PKHD1: variants seen among roughly 807,000 people sequenced by gnomAD.
PKHD1 encodes fibrocystin.
Under a neutral mutation model 412.0 loss-of-function variants are expected in PKHD1, and 291 were observed. The observed-to-expected ratio is 0.71, with a 90% confidence interval of 0.64 to 0.78. The LOEUF (loss-of-function observed/expected upper bound fraction) is 0.78, where lower values mean the gene tolerates loss of function less well. Among genes scored for constraint, PKHD1 ranks in the 30% least tolerant of loss-of-function variants. PKHD1 has a pLI of 0.00. For synonymous variants in PKHD1, 1,777 were observed against 1,821.5 expected, an observed-to-expected ratio of 0.98 and a Z score of 0.62; for missense variants, 4,825 against 4,950.7, an observed-to-expected ratio of 0.97 and a Z score of 0.76.
chr6:51,874,922 G>T lies in PKHD1; in HGVS notation c.7351-4283C>A, dbSNP rs571043689. The stretch of plus-strand genomic sequence containing the variant: ...TGTGTGTGCGCACCGTGCGCGAGCC[G>T]AAGCAGGGCGAGGCATTGCCTCACC... On this transcript the variant is annotated intron_variant, in intron 46 of 66. Coordinates refer to ENST00000371117, the MANE Select transcript of PKHD1 (RefSeq NM_138694.4). Among the ~76,000 whole-genome samples the T allele has an allele frequency of 3.4e-4, 28 of 82,396 alleles. 5 individuals are homozygous for T. Among genetic ancestry groups the T allele is most frequent in the African/African-American group, 5.6e-4 (11 of 19,528 alleles). 54.1% of individuals were successfully genotyped at this position (82,396 alleles called of 152,430 possible). A position where few individuals can be genotyped will look rare whatever the true frequency, so the allele number is the denominator to read the frequency against.
intron 52 of PKHD1, among the ~76,000 whole-genome samples, chr6:51,823,300 T>C (rs1582888705): frequency 6.6e-6 from 1 of 152,090 alleles, no homozygotes; most frequent in South Asian, 2.1e-4. Context: ...GAGTCTCTTA[T>C]ATACTTCATG....
At chr6:51,902,445 G>T (rs765091872) in intron 43 of PKHD1, among the ~76,000 whole-genome samples, 10 of 152,058 alleles carry the variant, frequency 6.6e-5, no homozygotes, top group African/African-American at 1.2e-4. Context: ...TGGCATATTA[G>T]CCACTCCCAT....
At chr6:51,952,614 C>A (rs1267823740) in intron 36 of PKHD1, among the ~76,000 whole-genome samples, 1 of 151,946 alleles carries the variant, frequency 6.6e-6, no homozygotes, top group Non-Finnish European at 1.5e-5. Flanking sequence ...AGTTTTTAAC[C>A]AATTAAAAAT....
intron 35 of PKHD1, among the ~76,000 whole-genome samples, chr6:51,967,188 A>G (rs1792938654): frequency 6.6e-6 from 1 of 152,180 alleles, no homozygotes; most frequent in African/African-American, 2.4e-5. Context: ...TAACGAGGTC[A>G]GCAAACTACA....
At chr6:51,808,498 TAA>T (rs1764187783) in intron 52 of PKHD1, among the ~76,000 whole-genome samples, 1 of 114,110 alleles carries the variant, frequency 8.8e-6, no homozygotes, top group Non-Finnish European at 1.9e-5. Flanking sequence ...AAATGCAAAT[TAA>T]AAAAGAATCT....
intron 48 of PKHD1, among the ~76,000 whole-genome samples, chr6:51,857,014 G>A (rs914574590): frequency 2.0e-5 from 3 of 152,234 alleles, no homozygotes; most frequent in Admixed American, 2.0e-4. Context: ...TGAGGAGACT[G>A]AGGCAGGGTA....
rs1297884299 is a variant in PKHD1, at chr6:52,046,142, C to G, written c.2454G>C (p.Gln818His). 3 of 1,613,756 alleles carry G rather than the reference C, an allele frequency of 1.9e-6. No homozygotes were observed. In the South Asian group the frequency reaches 3.3e-5, roughly 18 times the overall value. The change falls in exon 24 of 67, where the codon CAG (glutamine) becomes CAC (histidine). Residue 818 changes from glutamine to histidine, a missense_variant. Physicochemically the swap from Gln to His is conservative, Grantham distance 24. Coordinates refer to ENST00000371117, the MANE Select transcript of PKHD1 (RefSeq NM_138694.4). ...TGGATGTGAAGTCATCGGCATTATT[C>G]TGTAAGAGCTGGTGAAGGTGATGAG... The part of the protein sequence containing the change: ...ISAHHLHQLL[Q>H]NNADDFTSRY...
At chr6:51,804,394 C>T (rs548328615) in intron 52 of PKHD1, among the ~76,000 whole-genome samples, 1 of 119,296 alleles carries the variant, frequency 8.4e-6, no homozygotes, top group East Asian at 2.7e-4. Flanking sequence ...AGAAATTAAG[C>T]GAAATGCCAC....
At chr6:51,805,854 T>C (rs1032111969) in intron 52 of PKHD1, among the ~76,000 whole-genome samples, 5 of 152,180 alleles carry the variant, frequency 3.3e-5, no homozygotes, top group Admixed American at 3.3e-4. Context: ...TTCCATGGTG[T>C]ATATGTGCCA....
chr6:52,060,608 T>G (rs944540454), intron 14 of PKHD1, among the ~76,000 whole-genome samples: 2 of 152,152 alleles, frequency 1.3e-5, no homozygotes, highest in Non-Finnish European at 2.9e-5. Flanking sequence ...AAAGATAATA[T>G]TTTTAATATT....
chr6:51,912,628 C>T (rs762574218), intron 37 of PKHD1, 52 bp from the exon 38 acceptor site: 69 of 1,172,522 alleles, frequency 5.9e-5, no homozygotes, highest in South Asian at 2.8e-4. Context: ...TTAATCAAAA[C>T]GTGATTAATT....
chr6:51,797,935 A>C (rs998090535), intron 52 of PKHD1, among the ~76,000 whole-genome samples: 1 of 152,128 alleles, frequency 6.6e-6, no homozygotes, highest in Non-Finnish European at 1.5e-5. Context: ...TTTTGTAGTG[A>C]CTGGTAACAG....
chr6:51,905,601 G>T (rs1031767026), intron 41 of PKHD1, among the ~76,000 whole-genome samples: 7 of 152,148 alleles, frequency 4.6e-5, no homozygotes, highest in African/African-American at 1.7e-4. Flanking sequence ...CAAGTTTACA[G>T]AAGTTAACAG....
chr6:51,905,644 G>A (rs987628190), intron 41 of PKHD1, among the ~76,000 whole-genome samples: 6 of 152,148 alleles, frequency 3.9e-5, no homozygotes, highest in African/African-American at 1.2e-4. Context: ...TTTTAAGTCT[G>A]GTGAAAAGTT....
rs1481023166 is a variant in PKHD1 at position 51,870,535 on chromosome 6, A to G, written c.7455T>C (p.Ile2485=). The G allele has an allele frequency of 6.2e-7, 1 of 1,612,372 alleles. No homozygotes were observed. The highest frequency in any genetic ancestry group is 1.1e-5 in the South Asian group (1 of 91,026). ...VNFDLINCVA[I]RTCSDCSQGQ... ...CTTGGGAACAGTCTGAACAGGTTCT[A>G]ATGGCCACACAGTTGATGAGATCAA... The change falls in exon 47 of 67, where the codon ATT becomes ATC. Residue 2485 remains isoleucine, a synonymous_variant. Coordinates refer to ENST00000371117, the MANE Select transcript of PKHD1 (RefSeq NM_138694.4).
At chr6:51,964,731 T>A (rs904960529) in intron 35 of PKHD1, among the ~76,000 whole-genome samples, 3 of 152,138 alleles carry the variant, frequency 2.0e-5, no homozygotes, top group Admixed American at 2.0e-4. Flanking sequence ...ATAATTTAAT[T>A]TTGTTCAGTT....
rs1057516626 is a variant in PKHD1, at chr6:52,024,986, AAT to A, written c.4822_4823del (p.Ile1608Ter). On this transcript the variant is annotated frameshift_variant, in exon 32 of 67. Transcript: ENST00000371117. LOFTEE classifies it high-confidence loss of function. ...LRGQNTTSVY[I>X]DQQTCLTVNI... The stretch of plus-strand genomic sequence containing the variant: ...TCACCGTCAGGCAGGTCTGCTGGTC[AAT>A]ATAGACTGACGTGGTGTTCTGTCCT... 6.2e-7 allele frequency: 1 copy of A among 1,614,196 alleles called. No individual in the cohort carries two copies. Among genetic ancestry groups the A allele is most frequent in the Non-Finnish European group, 8.5e-7 (1 of 1,180,034 alleles).
intron 53 of PKHD1, among the ~76,000 whole-genome samples, chr6:51,776,187 C>T (rs1790995875): frequency 6.6e-6 from 1 of 151,942 alleles, no homozygotes; most frequent in Admixed American, 6.6e-5. Context: ...TAATATTTAT[C>T]CTGGTCATAT....
At chr6:51,728,031 A>G (rs1000694654) in intron 60 of PKHD1, among the ~76,000 whole-genome samples, 6 of 152,138 alleles carry the variant, frequency 3.9e-5, no homozygotes, top group Admixed American at 1.3e-4. Context: ...TTCCTTCTCC[A>G]TACAATACTC....
Sources: gnomAD v4.1 joint callset for allele counts (sites outside exome capture counted in the v4.1 genomes callset) on GRCh38, gnomAD v4.1.1 for gene constraint, MANE v1.5 for transcripts, NCBI Gene and HGNC (gene_info 2026-07-23, HGNC 2026-07-21) for gene names.